Variants in GPR89B observed in about 807,000 individuals in gnomAD.
The protein encoded by GPR89B is G protein-coupled receptor 89B.
Under a neutral mutation model 52.4 loss-of-function variants are expected in GPR89B, and 25 were observed. The ratio of observed to expected loss-of-function variants is 0.48; its 90% CI spans 0.35 to 0.67. The LOEUF is 0.67. GPR89B is among the 30% of genes least tolerant of loss of function. The pLI is 0.01. For missense variants in GPR89B, 146 were observed against 450.2 expected, an observed-to-expected ratio of 0.32 and a Z score of 6.11; for synonymous variants, 52 against 151.2, an observed-to-expected ratio of 0.34 and a Z score of 4.81.
chr1:148,017,214 T>C, the GPR89B span, among the ~76,000 whole-genome samples: 9 of 151,524 alleles, frequency 5.9e-5, no homozygotes, highest in Admixed American at 5.3e-4. Flanking sequence ...GGTAATTTTT[T>C]GTATTTTTAG....
chr1:147,969,758 A>G, intron 9 of GPR89B, 109 bp from the exon 10 acceptor site: 1 of 1,501,472 alleles, frequency 6.7e-7, no homozygotes, highest in South Asian at 1.3e-5. Context: ...ATTGCAATGT[A>G]TGGTTTTTTG....
At chr1:147,964,261 G>T (rs1439972362) in intron 7 of GPR89B, among the ~76,000 whole-genome samples, 2 of 151,754 alleles carry the variant, frequency 1.3e-5, no homozygotes, top group Admixed American at 6.6e-5. Context: ...AAAAAGTAAT[G>T]GCTGACTTCC....
At chr1:147,992,051 T>G (rs1659109462) in intron 12 of GPR89B, among the ~76,000 whole-genome samples, 1 of 151,490 alleles carries the variant, frequency 6.6e-6, no homozygotes, top group Non-Finnish European at 1.5e-5. Context: ...GTGAGTCCTC[T>G]CTGGTAGGAA....
intron 10 of GPR89B, among the ~76,000 whole-genome samples, chr1:147,975,037 G>A (rs1215207478): frequency 4.0e-5 from 6 of 151,774 alleles, no homozygotes; most frequent in African/African-American, 1.5e-4. Context: ...GATCGTGGTA[G>A]ATGAGCTTTT....
At chr1:147,977,735 T>A (rs1204185459) in intron 10 of GPR89B, among the ~76,000 whole-genome samples, 1 of 149,396 alleles carries the variant, frequency 6.7e-6, no homozygotes, top group South Asian at 2.2e-4. Context: ...TTCAGCAAGA[T>A]AGTCTTCAAG....
At chr1:147,949,073 GGGGGTA>G in intron 5 of GPR89B, among the ~76,000 whole-genome samples, 1 of 152,164 alleles carries the variant, frequency 6.6e-6, no homozygotes, top group Admixed American at 6.5e-5. Flanking sequence ...GCACAGGGTT[GGGGGTA>G]GGGTCACCGA....
intron 10 of GPR89B, among the ~76,000 whole-genome samples, chr1:147,984,165 T>C: frequency 1.5e-5 from 1 of 67,958 alleles, no homozygotes; most frequent in Non-Finnish European, 2.5e-5. Flanking sequence ...CATCACACTC[T>C]GGGGACTGTT....
At chr1:148,002,712 C>T in the GPR89B span, among the ~76,000 whole-genome samples, 1 of 152,154 alleles carries the variant, frequency 6.6e-6, no homozygotes, top group Non-Finnish European at 1.5e-5. Flanking sequence ...ACTCATCAGT[C>T]TTGCATAGAA....
At chr1:147,986,413 C>T (rs1300896022) in intron 11 of GPR89B, 119 bp downstream of exon 11, 167 of 882,146 alleles carry the variant, frequency 1.9e-4, no homozygotes, top group Non-Finnish European at 2.7e-4. Context: ...GTTCTTCCCA[C>T]TCTGTATATT....
chr1:148,001,936 T>G, the GPR89B span, among the ~76,000 whole-genome samples: 987 of 151,456 alleles, frequency 6.5e-3, 7 homozygotes, highest in Admixed American at 8.9e-3. Flanking sequence ...AAGAAACCCA[T>G]GCTGGCATTT....
chr1:147,958,829 G>T (rs1333826749), intron 7 of GPR89B, among the ~76,000 whole-genome samples: 2 of 151,900 alleles, frequency 1.3e-5, no homozygotes, highest in African/African-American at 4.9e-5. Flanking sequence ...AATTTGAGTG[G>T]CTCACAGAAG....
chr1:147,945,640 T>C (rs1391680757), intron 5 of GPR89B, among the ~76,000 whole-genome samples: 17 of 152,164 alleles, frequency 1.1e-4, no homozygotes, highest in Non-Finnish European at 2.4e-4. Flanking sequence ...ATTCAAACTC[T>C]TAGGTGGCGT....
At chr1:148,021,646 C>T in the GPR89B span, among the ~76,000 whole-genome samples, 1 of 151,684 alleles carries the variant, frequency 6.6e-6, no homozygotes, top group African/African-American at 2.4e-5. Context: ...GAGGAAGGCC[C>T]AGTCTTTGGT....
intron 10 of GPR89B, among the ~76,000 whole-genome samples, chr1:147,976,977 G>A (rs1250498055): frequency 6.6e-6 from 1 of 151,718 alleles, no homozygotes; most frequent in Non-Finnish European, 1.5e-5. Flanking sequence ...GCTCACGCCG[G>A]TAATCCCAGC....
intron 1 of GPR89B, among the ~76,000 whole-genome samples, chr1:147,935,909 G>A (rs1553247784): frequency 1.3e-5 from 2 of 152,016 alleles, no homozygotes; most frequent in Non-Finnish European, 2.9e-5. Context: ...TAATTTTTAT[G>A]TGTGTGTGTT....
At chr1:148,013,005 G>C in the GPR89B span, among the ~76,000 whole-genome samples, 2 of 152,208 alleles carry the variant, frequency 1.3e-5, no homozygotes, top group African/African-American at 4.8e-5. Flanking sequence ...GAAAAATGCA[G>C]CTGTTAAAAA....
At chr1:147,978,238 G>A (rs1198966140) in intron 10 of GPR89B, among the ~76,000 whole-genome samples, 61 of 151,980 alleles carry the variant, frequency 4.0e-4, no homozygotes, top group Middle Eastern at 3.4e-3. Flanking sequence ...TAACAGTCAG[G>A]CCCCTCTTCT....
chr1:148,003,226 C>T, the GPR89B span, among the ~76,000 whole-genome samples: 8 of 152,246 alleles, frequency 5.3e-5, no homozygotes, highest in East Asian at 5.8e-4. Flanking sequence ...GCAGTTTATA[C>T]GGCCTGAACT....
downstream of GPR89B, chr1:147,994,457 T>G: frequency 1.7e-6 from 1 of 604,312 alleles, no homozygotes; most frequent in Non-Finnish European, 2.9e-6. Context: ...AGTCACTCAC[T>G]AGAATTTCTT....
Sources: gnomAD v4.1 joint callset for allele counts (sites outside exome capture counted in the v4.1 genomes callset) on GRCh38, gnomAD v4.1.1 for gene constraint, MANE v1.5 for transcripts, NCBI Gene and HGNC (gene_info 2026-07-23, HGNC 2026-07-21) for gene names.